The following TMEM91 variants were observed in gnomAD, a reference collection of about 807,000 sequenced individuals.
TMEM91 encodes the protein transmembrane protein 91, also known as dispanin subfamily C member 3.
In TMEM91, 6 loss-of-function variants were observed where a neutral mutation model predicts 13.3. That is an observed-to-expected ratio of 0.45 (90% CI 0.25 to 0.89). TMEM91 has a LOEUF of 0.89. TMEM91 is among the 40% of genes least tolerant of loss of function. TMEM91 has a pLI of 0.19. For synonymous variants in TMEM91, 87 were observed against 101.7 expected, an observed-to-expected ratio of 0.86 and a Z score of 0.87; for missense variants, 193 against 228.7, an observed-to-expected ratio of 0.84 and a Z score of 1.01.
chr19:41,370,376 CTATT>C (rs199734346), intron 1 of TMEM91, among the ~76,000 whole-genome samples: 2,400 of 110,352 alleles, frequency 0.022, 75 homozygotes, highest in African/African-American at 0.077. Context: ...TGTGCCCCAC[CTATT>C]TATTTATTTT....
chr19:41,378,483 C>G lies in TMEM91; in HGVS notation c.174C>G (p.Ser58Arg). 4 of 1,614,082 alleles carry G rather than the reference C, an allele frequency of 2.5e-6. No homozygotes were observed. Among genetic ancestry groups the G allele is most frequent in the Non-Finnish European group, 3.4e-6 (4 of 1,179,980 alleles). ...TGTCACCGCCTCTTCCCTCCGTGAG[C>G]GCTGGCCTGGGGGAACCAAGGCCCC... The part of the protein sequence containing the change: ...QFLSPPLPSV[S>R]AGLGEPRPPD... The change falls in exon 2 of 4, where the codon AGC becomes AGG. Residue 58 changes from serine to arginine, a missense_variant. By Grantham distance (110) the Ser-to-Arg change is moderately radical. Coordinates refer to ENST00000392002, the MANE Select transcript of TMEM91 (RefSeq NM_001098821.2).
intron 2 of TMEM91, among the ~76,000 whole-genome samples, chr19:41,379,161 T>TA (rs2038807221): frequency 6.9e-6 from 1 of 144,508 alleles, no homozygotes; most frequent in Non-Finnish European, 1.5e-5. Flanking sequence ...TTTTTTTTTT[T>TA]AAGTTACTGT....
At chr19:41,367,765 G>C (rs940351045) in intron 1 of TMEM91, among the ~76,000 whole-genome samples, 1 of 152,134 alleles carries the variant, frequency 6.6e-6, no homozygotes, top group Non-Finnish European at 1.5e-5. Flanking sequence ...CAGTAGCTGG[G>C]ACTACAGGCG....
intron 3 of TMEM91, 187 bp downstream of exon 3, chr19:41,383,108 C>T (rs2038931705): frequency 2.6e-6 from 2 of 768,636 alleles, no homozygotes; most frequent in Admixed American, 2.9e-5. Flanking sequence ...GGCTGGAGTG[C>T]AGTGGTACAA....
At chr19:41,370,416 T>TATTTATTTATTTATTA in intron 1 of TMEM91, among the ~76,000 whole-genome samples, 1 of 151,022 alleles carries the variant, frequency 6.6e-6, no homozygotes, top group Admixed American at 6.6e-5. Context: ...TTTATTTATT[T>TATTTATTTATTTATTA]ATTTATTTGA....
At chr19:41,374,145 C>G (rs1289482192), upstream of TMEM91, 1 of 152,274 alleles carries the variant, frequency 6.6e-6, no homozygotes, top group Non-Finnish European at 1.5e-5. Context: ...GCCAAGTGCA[C>G]TTGCAGACGC....
chr19:41,378,284 A>G lies in TMEM91; in HGVS notation c.-26A>G, dbSNP rs1029829115. The G allele has an allele frequency of 1.3e-6, 2 of 1,599,584 alleles. No homozygotes were observed. Among genetic ancestry groups the G allele is most frequent in the African/African-American group, 2.7e-5 (2 of 74,292 alleles). ...TTTTTCTTCCCCCTACCCCTAGGAA[A>G]CCCCTCCTGGAGTTTCCCCAAAGCC... On this transcript the variant is annotated 5_prime_UTR_variant, in exon 2 of 4. Transcript: ENST00000392002.
intron 2 of TMEM91, among the ~76,000 whole-genome samples, chr19:41,382,019 C>T (rs931906458): frequency 6.6e-6 from 1 of 151,864 alleles, no homozygotes; most frequent in Admixed American, 6.6e-5. Flanking sequence ...GGGCATACCA[C>T]CACGCCTGGC....
Position 41,378,719 on chromosome 19 carries a change from G to T in TMEM91, c.210+200G>T, listed in dbSNP as rs571770779. On this transcript the variant is annotated intron_variant, in intron 2 of 3. Coordinates refer to ENST00000392002, the MANE Select transcript of TMEM91 (RefSeq NM_001098821.2). Reference sequence around the variant, plus strand: ...TCTCATCTTTGTTGCCTGGCTTTTGGCTCTGTCTTCCCTCTGATCTCAGAC... The same window carrying T: ...TCTCATCTTTGTTGCCTGGCTTTTGTCTCTGTCTTCCCTCTGATCTCAGAC... 2.0e-5 allele frequency among the ~76,000 whole-genome samples: 3 copies of T among 152,012 alleles called. No homozygotes were observed. The South Asian group carries it at 6.2e-4, about 32-fold the overall frequency.
chr19:41,373,075 ACC>A (rs1357602570), upstream of TMEM91, among the ~76,000 whole-genome samples: 3 of 152,052 alleles, frequency 2.0e-5, no homozygotes, highest in African/African-American at 7.2e-5. Flanking sequence ...AGTAGCTTGG[ACC>A]ACAGACATGC....
chr19:41,366,479 C>T (rs1487805094), intron 1 of TMEM91, among the ~76,000 whole-genome samples: 1 of 152,144 alleles, frequency 6.6e-6, no homozygotes, highest in African/African-American at 2.4e-5. Context: ...GTTTGCACCC[C>T]ACATGCAGCT....
chr19:41,364,644 GA>G (rs1488478603), intron 1 of TMEM91, among the ~76,000 whole-genome samples: 1 of 152,046 alleles, frequency 6.6e-6, no homozygotes, highest in Non-Finnish European at 1.5e-5. Flanking sequence ...GACAAGGAAG[GA>G]AGGAAGTTGG....
chr19:41,383,542 G>T, intron 3 of TMEM91, 173 bp from the exon 4 acceptor site: 2 of 1,575,926 alleles, frequency 1.3e-6, no homozygotes, highest in South Asian at 1.2e-5. Context: ...CCATTTTAAT[G>T]TTTTTATTAA....
intron 1 of TMEM91, among the ~76,000 whole-genome samples, chr19:41,370,171 A>G (rs913357248): frequency 2.6e-5 from 4 of 151,770 alleles, no homozygotes; most frequent in African/African-American, 9.7e-5. Flanking sequence ...TCTGCCTCCC[A>G]GGTTCAAGTG....
At chr19:41,372,145 G>A (rs1370451784), upstream of TMEM91, among the ~76,000 whole-genome samples, 2 of 152,020 alleles carry the variant, frequency 1.3e-5, no homozygotes, top group Non-Finnish European at 2.9e-5. Flanking sequence ...GTAGGAGTTC[G>A]AGACCAGCCT....
chr19:41,380,880 C>G (rs2038863487), intron 2 of TMEM91, among the ~76,000 whole-genome samples: 1 of 146,644 alleles, frequency 6.8e-6, no homozygotes, highest in South Asian at 2.2e-4. Flanking sequence ...CGCCATTGCA[C>G]TCCAGCCTGG....
intron 1 of TMEM91, among the ~76,000 whole-genome samples, chr19:41,365,911 A>G (rs966627532): frequency 2.0e-5 from 3 of 149,684 alleles, no homozygotes; most frequent in African/African-American, 4.9e-5. Flanking sequence ...GAGTTCCACC[A>G]TGTTGGTCAG....
chr19:41,384,026 C>A lies in TMEM91; in HGVS notation c.*153C>A. On this transcript the variant is annotated 3_prime_UTR_variant, in exon 4 of 4. Transcript: ENST00000392002. Reference sequence around the variant, plus strand: ...GACTGGAACCCTTCCCCTTCCTGGCCACCGCTCTTCGGGCGGCAGCAACCT... The same window carrying A: ...GACTGGAACCCTTCCCCTTCCTGGCAACCGCTCTTCGGGCGGCAGCAACCT... 1 of 1,345,814 alleles carries A rather than the reference C, an allele frequency of 7.4e-7. No homozygotes were observed. Among genetic ancestry groups the A allele is most frequent in the African/African-American group, 1.5e-5 (1 of 65,906 alleles). The allele number at this position is 1,345,814 out of a possible 1,614,324, so 83.4% of individuals were successfully genotyped here.
intron 1 of TMEM91, among the ~76,000 whole-genome samples, chr19:41,368,289 T>C (rs906990265): frequency 2.6e-5 from 4 of 151,702 alleles, no homozygotes; most frequent in African/African-American, 9.7e-5. Context: ...TGGTGACACA[T>C]GTCTGCAGTC....
Sources: allele counts gnomAD v4.1 joint callset (sites outside exome capture counted in the v4.1 genomes callset), GRCh38; gene constraint gnomAD v4.1.1; transcripts MANE v1.5; gene names NCBI Gene and HGNC (gene_info 2026-07-23, HGNC 2026-07-21).